GUF1: variants seen among roughly 807,000 people sequenced by gnomAD.
GUF1 encodes translation factor GUF1, mitochondrial.
Under a neutral mutation model 82.4 loss-of-function variants are expected in GUF1, and 78 were observed. The ratio of observed to expected loss-of-function variants is 0.95; its 90% CI spans 0.79 to 1.14. The LOEUF is 1.14. Ranked by LOEUF, GUF1 falls within the 50% of genes most tolerant of loss-of-function variation. The pLI is 0.00. For synonymous variants in GUF1, 279 were observed against 282.3 expected, an observed-to-expected ratio of 0.99 and a Z score of 0.12; for missense variants, 814 against 798.2, an observed-to-expected ratio of 1.02 and a Z score of -0.24.
rs548309998 is a variant in GUF1, at chr4:44,680,819, C to T, written c.403C>T (p.Leu135Phe). 1 of 1,609,352 alleles carries T rather than the reference C, an allele frequency of 6.2e-7. No individual in the cohort carries two copies. The highest frequency in any genetic ancestry group is 2.2e-5 in the East Asian group (1 of 44,764). The change falls in exon 3 of 17, where the codon CTT becomes TTT. Residue 135 changes from leucine to phenylalanine, a missense_variant. Physicochemically the swap from Leu to Phe is conservative, Grantham distance 22 (BLOSUM62 0). Coordinates refer to ENST00000281543, the MANE Select transcript of GUF1 (RefSeq NM_021927.3). ...TTACAATTGTGAAGGAAAGCAGTACCTTTTAAATCTCATTGATACACCGGT... is the reference window on the plus strand; with the variant it reads ...TTACAATTGTGAAGGAAAGCAGTACTTTTTAAATCTCATTGATACACCGGT... ...LFYNCEGKQYLLNLIDTPGHV... is the reference protein window; with the variant it reads ...LFYNCEGKQYFLNLIDTPGHV...
At position 44,680,804 on chromosome 4, in the gene GUF1, G is replaced by A; in HGVS notation, c.388G>A (p.Glu130Lys). ...AQTASLFYNCEGKQYLLNLID... is the reference protein window; with the variant it reads ...AQTASLFYNCKGKQYLLNLID... ...GACAGCATCTCTCTTTTACAATTGT[G>A]AAGGAAAGCAGTACCTTTTAAATCT... Residue 130 changes from glutamate (E) to lysine (K), a missense_variant, in exon 3 of 17, where the codon GAA (glutamate) becomes AAA (lysine). Transcript: ENST00000281543. The A allele has an allele frequency of 1.2e-6, 2 of 1,612,272 alleles. No homozygotes were observed. The highest frequency in any genetic ancestry group is 2.2e-5 in the South Asian group (2 of 90,886).
In GUF1 at chr4:44,682,319, T is replaced by A; in HGVS notation, c.508-15T>A. The A allele has an allele frequency of 3.4e-6, 5 of 1,463,980 alleles. No individual in the cohort carries two copies. Among genetic ancestry groups the A allele is most frequent in the Non-Finnish European group, 4.6e-6 (5 of 1,089,272 alleles). The allele number at this position is 1,463,980 out of a possible 1,614,324, so 90.7% of individuals were successfully genotyped here. A position where few individuals can be genotyped will look rare whatever the true frequency, so the allele number is the denominator to read the frequency against. ...AGAATGGTCATCTCAGTATCTTGTA[T>A]CTTGATATTTTCAGGGAATTCAAGC... On this transcript the variant is annotated splice_polypyrimidine_tract_variant and intron_variant, in intron 4 of 16. Transcript: ENST00000281543.
At position 44,683,241 on chromosome 4, in the gene GUF1, C is replaced by A; in HGVS notation, c.592C>A (p.Leu198Met). Residue 198 changes from leucine (L) to methionine (M), a missense_variant, in exon 6 of 17, where the codon CTG (leucine) becomes ATG (methionine). Coordinates refer to ENST00000281543, the MANE Select transcript of GUF1 (RefSeq NM_021927.3). ...SVIPVINKID[L>M]KNADPERVEN... The stretch of plus-strand genomic sequence containing the variant: ...TGGATTTTTTTTTTTAAAGATAGAT[C>A]TGAAGAATGCTGATCCTGAAAGGGT... 1 of 1,553,668 alleles carries A rather than the reference C, an allele frequency of 6.4e-7. No individual in the cohort carries two copies. The highest frequency in any genetic ancestry group is 2.0e-5 in the Admixed American group (1 of 50,228).
intron 14 of GUF1, among the ~76,000 whole-genome samples, chr4:44,695,152 A>C (rs1560349060): frequency 6.6e-6 from 1 of 152,202 alleles, no homozygotes; most frequent in Admixed American, 6.5e-5. Context: ...TGTTCAAGAA[A>C]CAGCAGATTG....
chr4:44,698,254 T>A (rs1715970899), intron 16 of GUF1, among the ~76,000 whole-genome samples: 3 of 152,146 alleles, frequency 2.0e-5, no homozygotes, highest in Admixed American at 2.0e-4. Flanking sequence ...GACTGTGGCT[T>A]TCTAGTCAAA....
At position 44,683,327 on chromosome 4, in the gene GUF1, C is replaced by T. The variant is rs771105631; in HGVS notation, c.669+9C>T. 11 of 1,467,686 alleles carry T rather than the reference C, an allele frequency of 7.5e-6. No individual in the cohort carries two copies. The highest frequency in any genetic ancestry group is 4.9e-5 in the East Asian group (2 of 40,892). 90.9% of individuals were successfully genotyped at this position (1,467,686 alleles called of 1,614,324 possible). The stretch of plus-strand genomic sequence containing the variant: ...GTGATGAATGTATTAAGGTAAAATA[C>T]GTTCCTAAAAAGATTATACTTTGAA... On this transcript the variant is annotated intron_variant, in intron 6 of 16. Transcript: ENST00000281543.
At chr4:44,685,698 C>G (rs184565916) in intron 6 of GUF1, among the ~76,000 whole-genome samples, 105 of 152,100 alleles carry the variant, frequency 6.9e-4, no homozygotes, top group African/African-American at 2.3e-3. Flanking sequence ...GATTGTTACC[C>G]AGATTTCGAA....
rs547686420 is a variant in GUF1 at position 44,690,995 on chromosome 4, A to C, written c.1479+135A>C. On this transcript the variant is annotated intron_variant, in intron 12 of 16. Transcript: ENST00000281543. Reference sequence around the variant, plus strand: ...GAGATTTTCATATATATATCTGTCTATATCTATACACATAGATATGTATAC... The same window carrying C: ...GAGATTTTCATATATATATCTGTCTCTATCTATACACATAGATATGTATAC... 303 of 472,490 alleles carry C rather than the reference A, an allele frequency of 6.4e-4. 2 individuals are homozygous for C. In the South Asian group the frequency reaches 8.9e-3, roughly 14 times the overall value. 29.3% of individuals were successfully genotyped at this position (472,490 alleles called of 1,614,324 possible). A position where few individuals can be genotyped will look rare whatever the true frequency, so the allele number is the denominator to read the frequency against.
Position 44,689,927 on chromosome 4 carries a change from C to T in GUF1, c.1287C>T (p.Thr429=). The change falls in exon 11 of 17, where the codon ACC becomes ACT. Residue 429 remains threonine (T), a synonymous_variant. Coordinates refer to ENST00000281543, the MANE Select transcript of GUF1 (RefSeq NM_021927.3). The part of the protein sequence containing the change: ...QEYNASVILT[T]PTVPYKAVLS... Reference sequence around the variant, plus strand: ...ATAATGCTTCTGTTATTTTAACAACCCCTACTGTTCCATATAAAGCTGTAC... The same window carrying T: ...ATAATGCTTCTGTTATTTTAACAACTCCTACTGTTCCATATAAAGCTGTAC... 3.1e-6 allele frequency: 5 copies of T among 1,607,540 alleles called. No individual in the cohort carries two copies. The highest frequency in any genetic ancestry group is 4.3e-6 in the Non-Finnish European group (5 of 1,175,354).
chr4:44,690,016 T>G, intron 11 of GUF1, 41 bp downstream of exon 11: 1 of 1,454,244 alleles, frequency 6.9e-7, no homozygotes, highest in Non-Finnish European at 9.2e-7. Flanking sequence ...CTGTTTTGCA[T>G]TAGTCTCTTG....
At chr4:44,692,436 T>G (rs1445291483) in intron 13 of GUF1, among the ~76,000 whole-genome samples, 2 of 151,846 alleles carry the variant, frequency 1.3e-5, no homozygotes, top group African/African-American at 4.8e-5. Context: ...TTGGGGCATA[T>G]AACTCTAGAT....
At chr4:44,695,196 T>C (rs1577781442) in intron 14 of GUF1, among the ~76,000 whole-genome samples, 1 of 152,200 alleles carries the variant, frequency 6.6e-6, no homozygotes, top group East Asian at 1.9e-4. Flanking sequence ...CATATTGTTA[T>C]TTTCAGCCAT....
Position 44,683,335 on chromosome 4 carries a change from A to T in GUF1, c.669+17A>T. On this transcript the variant is annotated intron_variant, in intron 6 of 16. Transcript: ENST00000281543. The stretch of plus-strand genomic sequence containing the variant: ...TGTATTAAGGTAAAATACGTTCCTA[A>T]AAAGATTATACTTTGAAAAAAGTCT... 7.1e-7 allele frequency: 1 copy of T among 1,404,574 alleles called. No homozygotes were observed. The highest frequency in any genetic ancestry group is 9.7e-7 in the Non-Finnish European group (1 of 1,026,928). 87.0% of individuals were successfully genotyped at this position (1,404,574 alleles called of 1,614,324 possible).
rs370050767 is a variant in GUF1 at position 44,686,708 on chromosome 4, T to C, written c.933T>C (p.His311=). Residue 311 remains histidine, a synonymous_variant, in exon 8 of 17, where the codon CAT becomes CAC. Coordinates refer to ENST00000281543, the MANE Select transcript of GUF1 (RefSeq NM_021927.3). ...GVLNPNEQPT[H]KLYAGQVGYL... is the part of the protein sequence containing the mutation. ...TGAATCCTAATGAGCAGCCAACTCA[T>C]AAATTGTAAGTAATCTGCATTAGTA... 5.5e-5 allele frequency: 88 copies of C among 1,596,716 alleles called. No individual in the cohort carries two copies. Among genetic ancestry groups the C allele is most frequent in the Non-Finnish European group, 7.3e-5 (85 of 1,164,874 alleles).
intron 15 of GUF1, among the ~76,000 whole-genome samples, chr4:44,697,079 A>G (rs944299581): frequency 6.6e-6 from 1 of 152,174 alleles, no homozygotes; most frequent in East Asian, 1.9e-4. Context: ...TAATTTTTAG[A>G]TTGAGTAAAA....
chr4:44,696,888 C>G (rs980564835), intron 15 of GUF1, among the ~76,000 whole-genome samples: 1 of 152,058 alleles, frequency 6.6e-6, no homozygotes. Flanking sequence ...AAAGATGGAG[C>G]TATTTTCAAA....
At chr4:44,685,452 G>C (rs751996544) in intron 6 of GUF1, among the ~76,000 whole-genome samples, 1 of 152,052 alleles carries the variant, frequency 6.6e-6, no homozygotes, top group Non-Finnish European at 1.5e-5. Flanking sequence ...TTTATTACCA[G>C]TGATAAAGGT....
At chr4:44,693,254 ATG>A (rs1019156302) in intron 13 of GUF1, among the ~76,000 whole-genome samples, 3 of 152,084 alleles carry the variant, frequency 2.0e-5, no homozygotes, top group Admixed American at 2.0e-4. Context: ...TAGAATACCT[ATG>A]TTTTCAATAG....
chr4:44,688,298 T>C (rs1715195718), intron 9 of GUF1, 152 bp downstream of exon 9: 3 of 744,038 alleles, frequency 4.0e-6, no homozygotes, highest in Non-Finnish European at 6.5e-6. Context: ...TATCAGTTTA[T>C]AATTACATAT....
Sources: gnomAD v4.1 joint callset for allele counts (sites outside exome capture counted in the v4.1 genomes callset) on GRCh38, gnomAD v4.1.1 for gene constraint, MANE v1.5 for transcripts, NCBI Gene and HGNC (gene_info 2026-07-23, HGNC 2026-07-21) for gene names.